Variants in TMEM117 observed in about 807,000 individuals in gnomAD.
TMEM117 encodes transmembrane protein 117.
In TMEM117, 27 loss-of-function variants were observed where a neutral mutation model predicts 52.4. That is an observed-to-expected ratio of 0.51 (90% CI 0.38 to 0.71). The LOEUF (loss-of-function observed/expected upper bound fraction) is 0.71. TMEM117 is among the 30% of genes least tolerant of loss of function. TMEM117 has a pLI of 0.00. For missense variants in TMEM117, 556 were observed against 630.5 expected, an observed-to-expected ratio of 0.88 and a Z score of 1.26; for synonymous variants, 215 against 206.3, an observed-to-expected ratio of 1.04 and a Z score of -0.36.
intron 6 of TMEM117, among the ~76,000 whole-genome samples, chr12:44,364,046 A>G (rs1951758135): frequency 6.6e-6 from 1 of 152,174 alleles, no homozygotes; most frequent in Non-Finnish European, 1.5e-5. Flanking sequence ...ATCTGGGTTT[A>G]TATGGGGAAA....
chr12:43,863,170 C>T (rs1354718939), intron 2 of TMEM117, among the ~76,000 whole-genome samples: 6 of 151,802 alleles, frequency 4.0e-5, no homozygotes, highest in African/African-American at 7.3e-5. Flanking sequence ...TGCTTGAACC[C>T]GGGAAGCAGA....
chr12:44,214,138 ATTT>A (rs773352634), intron 5 of TMEM117, among the ~76,000 whole-genome samples: 1,417 of 99,278 alleles, frequency 0.014, 27 homozygotes, highest in African/African-American at 0.039. Context: ...TTTTTTTTTA[ATTT>A]TTTTTTTTTT....
intron 2 of TMEM117, among the ~76,000 whole-genome samples, chr12:43,868,766 T>C (rs1477032171): frequency 1.3e-5 from 2 of 152,134 alleles, no homozygotes; most frequent in Non-Finnish European, 2.9e-5. Context: ...AAATCATTGC[T>C]CTGTTTTTAT....
the TMEM117 span, among the ~76,000 whole-genome samples, chr12:43,810,025 C>T: frequency 6.6e-6 from 1 of 152,056 alleles, no homozygotes; most frequent in Non-Finnish European, 1.5e-5. Flanking sequence ...AAAATATAGA[C>T]TGAAGTAATA....
At chr12:43,995,419 G>T (rs372866620) in intron 3 of TMEM117, among the ~76,000 whole-genome samples, 1 of 152,136 alleles carries the variant, frequency 6.6e-6, no homozygotes, top group East Asian at 1.9e-4. Flanking sequence ...AGATGCCTTA[G>T]TGTTTACACA....
chr12:43,930,869 G>C (rs762460342), intron 2 of TMEM117, among the ~76,000 whole-genome samples: 1 of 152,272 alleles, frequency 6.6e-6, no homozygotes, highest in African/African-American at 2.4e-5. Context: ...CTCATTGCAG[G>C]AAGGAGGAAA....
At chr12:44,244,426 C>A (rs543028614) in intron 5 of TMEM117, 1 of 151,666 alleles carries the variant, frequency 6.6e-6, no homozygotes, top group African/African-American at 2.4e-5. Context: ...GTATTTTCTC[C>A]ACCCATAATC....
intron 2 of TMEM117, among the ~76,000 whole-genome samples, chr12:43,916,411 T>G (rs1325836270): frequency 6.6e-6 from 1 of 152,224 alleles, no homozygotes; most frequent in Non-Finnish European, 1.5e-5. Flanking sequence ...CTTATGGATA[T>G]ATGTTTATAA....
intron 4 of TMEM117, among the ~76,000 whole-genome samples, chr12:44,180,504 TC>T (rs1195979995): frequency 1.6e-4 from 9 of 57,986 alleles, no homozygotes; most frequent in African/African-American, 5.8e-4. Flanking sequence ...CCCTCCCCCC[TC>T]CCCCCACCCC....
intron 4 of TMEM117, among the ~76,000 whole-genome samples, chr12:44,182,866 A>G (rs547441561): frequency 7.9e-5 from 12 of 152,326 alleles, no homozygotes; most frequent in African/African-American, 2.9e-4. Flanking sequence ...GTGTAGTTAA[A>G]CAAAAAACGC....
At chr12:44,029,710 A>C (rs1030130104) in intron 3 of TMEM117, among the ~76,000 whole-genome samples, 1 of 152,226 alleles carries the variant, frequency 6.6e-6, no homozygotes, top group Non-Finnish European at 1.5e-5. Context: ...GCTAATCTTA[A>C]GCTATTGTGA....
At chr12:44,254,662 A>AT (rs1294394578) in intron 5 of TMEM117, among the ~76,000 whole-genome samples, 1 of 151,090 alleles carries the variant, frequency 6.6e-6, no homozygotes, top group South Asian at 2.2e-4. Context: ...ATATATATAT[A>AT]TATTTTTTAT....
chr12:44,193,891 A>G (rs1949386015), intron 4 of TMEM117, among the ~76,000 whole-genome samples: 1 of 152,228 alleles, frequency 6.6e-6, no homozygotes, highest in Non-Finnish European at 1.5e-5. Context: ...CTCCACAAAT[A>G]AATTACTGAT....
intron 6 of TMEM117, among the ~76,000 whole-genome samples, chr12:44,354,094 T>C (rs993204380): frequency 2.0e-5 from 3 of 152,116 alleles, no homozygotes; most frequent in Non-Finnish European, 2.9e-5. Flanking sequence ...TTTGGCTCTC[T>C]GTCTGTTATT....
intron 3 of TMEM117, among the ~76,000 whole-genome samples, chr12:43,974,895 A>C (rs1945648462): frequency 6.6e-6 from 1 of 152,162 alleles, no homozygotes; most frequent in Non-Finnish European, 1.5e-5. Context: ...TATAACTAAC[A>C]TCCCTACCTA....
chr12:44,176,075 G>A (rs1382253543), intron 4 of TMEM117, among the ~76,000 whole-genome samples: 1 of 152,104 alleles, frequency 6.6e-6, no homozygotes, highest in Non-Finnish European at 1.5e-5. Context: ...TGTATTATTT[G>A]TTTGTCTGAT....
At chr12:44,158,208 C>T (rs1948852486) in intron 4 of TMEM117, among the ~76,000 whole-genome samples, 1 of 152,112 alleles carries the variant, frequency 6.6e-6, no homozygotes, top group African/African-American at 2.4e-5. Flanking sequence ...ATCAGGACCT[C>T]TCCTCTGCGT....
At chr12:44,384,202 T>A (rs1952058202) in intron 7 of TMEM117, among the ~76,000 whole-genome samples, 1 of 152,166 alleles carries the variant, frequency 6.6e-6, no homozygotes, top group African/African-American at 2.4e-5. Flanking sequence ...ATGAACATCC[T>A]TCCTCTGTAA....
intron 4 of TMEM117, among the ~76,000 whole-genome samples, chr12:44,203,395 G>A (rs540930212): frequency 6.6e-6 from 1 of 152,006 alleles, no homozygotes; most frequent in South Asian, 2.1e-4. Flanking sequence ...TTACTCTCTT[G>A]AAGAACCAAC....
Sources: allele counts gnomAD v4.1 joint callset (sites outside exome capture counted in the v4.1 genomes callset), GRCh38; gene constraint gnomAD v4.1.1; transcripts MANE v1.5; gene names NCBI Gene and HGNC (gene_info 2026-07-23, HGNC 2026-07-21).